Variants in ENKD1 observed in about 807,000 individuals in gnomAD.
ENKD1 encodes enkurin domain-containing protein 1.
Under a neutral mutation model 35.8 loss-of-function variants are expected in ENKD1, and 39 were observed. That is an observed-to-expected ratio of 1.09 (90% CI 0.84 to 1.42). The LOEUF is 1.42. ENKD1 is among the 40% of genes most tolerant of loss of function. ENKD1 has a pLI of 0.00. For synonymous variants in ENKD1, 205 were observed against 198.6 expected (o/e 1.03, Z -0.27); for missense variants, 474 against 471.3 (o/e 1.01, Z -0.05).
chr16:67,663,014 G>T lies in ENKD1; in HGVS notation c.*147C>A. ...TAGGGTGGCCCTTCTGCAGCCACTG[G>T]TGACTGGGAAGAGTGCTCTAGGGAC... On this transcript the variant is annotated 3_prime_UTR_variant, in exon 7 of 7. Coordinates refer to ENST00000243878, the MANE Select transcript of ENKD1 (RefSeq NM_032140.3). 1.1e-6 allele frequency: 1 copy of T among 918,738 alleles called. No homozygotes were observed. Among genetic ancestry groups the T allele is most frequent in the African/African-American group, 1.7e-5 (1 of 59,796 alleles). The allele number at this position is 918,738 out of a possible 1,614,324, so 56.9% of individuals were successfully genotyped here.
chr16:67,665,217 T>TC (rs993826526), intron 2 of ENKD1, 49 bp from the exon 3 acceptor site: 1 of 1,558,198 alleles, frequency 6.4e-7, no homozygotes, highest in African/African-American at 1.4e-5. Context: ...GCCCACACAG[T>TC]CCAACTTCCA....
Position 67,663,485 on chromosome 16 carries a change from A to G in ENKD1, c.815T>C (p.Met272Thr), listed in dbSNP as rs1326952119. 4 of 1,612,958 alleles carry G rather than the reference A, an allele frequency of 2.5e-6. No individual in the cohort carries two copies. In the Admixed American group the frequency reaches 5.0e-5, roughly 20 times the overall value. ...AGGCATGCGCGTGTGGCCTGGGGGCATGGCAGGGTCCGGCTGGCTCTGCTT... is the reference window on the plus strand; with the variant it reads ...AGGCATGCGCGTGTGGCCTGGGGGCGTGGCAGGGTCCGGCTGGCTCTGCTT... ...ARKQSQPDPA[M>T]PPGHTRMPEN... is the part of the protein sequence containing the mutation. Residue 272 changes from methionine to threonine, a missense_variant, in exon 6 of 7, where the codon ATG becomes ACG. Transcript: ENST00000243878.
rs1311792765 is a variant in ENKD1 at position 67,666,507 on chromosome 16, C to T, written c.-65G>A. ...AGGGCTGTTTACCTCCCTCCCCGGG[C>T]CCCCTTCCCCAACCCCGGGCCCCCT... On this transcript the variant is annotated 5_prime_UTR_variant, in exon 1 of 7. Coordinates refer to ENST00000243878, the MANE Select transcript of ENKD1 (RefSeq NM_032140.3). 2.2e-6 allele frequency: 3 copies of T among 1,346,174 alleles called. No individual in the cohort carries two copies. Among genetic ancestry groups the T allele is most frequent in the South Asian group, 3.2e-5 (2 of 62,348 alleles). 83.4% of individuals were successfully genotyped at this position (1,346,174 alleles called of 1,614,324 possible). A position where few individuals can be genotyped will look rare whatever the true frequency, so the allele number is the denominator to read the frequency against.
chr16:67,666,611 T>C lies in ENKD1; in HGVS notation c.-169A>G, dbSNP rs1479375111. On this transcript the variant is annotated 5_prime_UTR_variant, in exon 1 of 7. Coordinates refer to ENST00000243878, the MANE Select transcript of ENKD1 (RefSeq NM_032140.3). Reference sequence around the variant, plus strand: ...GTCCCCGCCTGGGCCCCGGCCTCGCTCGCCACCTCCGCGACCTCTGCTCCC... The same window carrying C: ...GTCCCCGCCTGGGCCCCGGCCTCGCCCGCCACCTCCGCGACCTCTGCTCCC... 6.8e-6 allele frequency: 4 copies of C among 592,158 alleles called. No homozygotes were observed. The highest frequency in any genetic ancestry group is 1.1e-5 in the Non-Finnish European group (4 of 366,378). The allele number at this position is 592,158 out of a possible 1,614,324, so 36.7% of individuals were successfully genotyped here.
At chr16:67,664,433 A>C in intron 3 of ENKD1, 3 of 359,730 alleles carry the variant, frequency 8.3e-6, no homozygotes, top group Non-Finnish European at 1.6e-5. Context: ...CCTAGGTCTC[A>C]CTCCTGAGAT....
Position 67,666,152 on chromosome 16 carries a change from G to C in ENKD1, c.199C>G (p.Leu67Val). 2 of 1,612,774 alleles carry C rather than the reference G, an allele frequency of 1.2e-6. No individual in the cohort carries two copies. Among genetic ancestry groups the C allele is most frequent in the Non-Finnish European group, 1.7e-6 (2 of 1,179,964 alleles). The change falls in exon 2 of 7, where the codon CTG (leucine) becomes GTG (valine). Residue 67 changes from leucine (L) to valine (V), a missense_variant. Coordinates refer to ENST00000243878, the MANE Select transcript of ENKD1 (RefSeq NM_032140.3). ...CCGACGCCGCGCTGGCCGCGCTCCA[G>C]GATCTCTCCGGCACCGGGACCGATG... ...PCIGPGAGEILERGQRGVGDV... is the reference protein window; with the variant it reads ...PCIGPGAGEIVERGQRGVGDV...
rs565406120 is a variant in ENKD1, at chr16:67,665,299, C to T, written c.281-131G>A. 11 of 835,336 alleles carry T rather than the reference C, an allele frequency of 1.3e-5. No individual in the cohort carries two copies. In the African/African-American group the frequency reaches 1.7e-4, roughly 13 times the overall value. The allele number at this position is 835,336 out of a possible 1,614,324, so 51.7% of individuals were successfully genotyped here. On this transcript the variant is annotated intron_variant, in intron 2 of 6. Coordinates refer to ENST00000243878, the MANE Select transcript of ENKD1 (RefSeq NM_032140.3). ...CCTGACCTCTCCAACTACCTTAGAC[C>T]CTACACACACTCTCCCTCATCACCG...
chr16:67,666,037 CCT>C (rs1342563727), intron 2 of ENKD1, 32 bp downstream of exon 2: 3 of 1,598,734 alleles, frequency 1.9e-6, no homozygotes, highest in Admixed American at 1.7e-5. Flanking sequence ...CCCCGCACTG[CCT>C]CTCTGTCCCT....
Position 67,666,181 on chromosome 16 carries a change from G to T in ENKD1, c.170C>A (p.Pro57His), listed in dbSNP as rs766712740. 2 of 1,612,066 alleles carry T rather than the reference G, an allele frequency of 1.2e-6. No individual in the cohort carries two copies. Among genetic ancestry groups the T allele is most frequent in the Admixed American group, 3.3e-5 (2 of 59,926 alleles). The change falls in exon 2 of 7, where the codon CCC becomes CAC. Residue 57 changes from proline (P) to histidine (H), a missense_variant. By Grantham distance (77) the Pro-to-His change is moderately conservative (BLOSUM62 -2). Coordinates refer to ENST00000243878, the MANE Select transcript of ENKD1 (RefSeq NM_032140.3). ...RALDTTAPRG[P>H]CIGPGAGEIL... ...CTCTCCGGCACCGGGACCGATGCAG[G>T]GGCCACGGGGAGCGGTGGTGTCCAG...
intron 3 of ENKD1, 44 bp from the exon 4 acceptor site, chr16:67,664,106 T>TG (rs1567646978): frequency 2.0e-6 from 3 of 1,530,148 alleles, no homozygotes; most frequent in Non-Finnish European, 2.7e-6. Context: ...GGCTGAGGTC[T>TG]GGGGCTCAAG....
chr16:67,664,949 G>T, intron 3 of ENKD1, 47 bp downstream of exon 3: 1 of 1,552,766 alleles, frequency 6.4e-7, no homozygotes, highest in Non-Finnish European at 8.7e-7. Flanking sequence ...ACAGTTGCCT[G>T]TTGGCCAACA....
chr16:67,665,218 C>A (rs757888994), intron 2 of ENKD1, 50 bp from the exon 3 acceptor site: 31 of 1,557,672 alleles, frequency 2.0e-5, no homozygotes, highest in Non-Finnish European at 2.6e-5. Context: ...CCCACACAGT[C>A]CAACTTCCAC....
rs1466407392 is a variant in ENKD1 at position 67,666,245 on chromosome 16, T to TGACAAG, written c.105_106insCTTGTC (p.Gly35_Asn36insLeuVal). On this transcript the variant is annotated inframe_insertion, in exon 2 of 7. Transcript: ENST00000243878. The stretch of plus-strand genomic sequence containing the variant: ...GTCAGCAAGTCCAGCTTCAGCGCGT[T>TGACAAG]TCCCTCGAGGCGCCCTTGAGCTGTG... 1 of 1,605,370 alleles carries TGACAAG rather than the reference T, an allele frequency of 6.2e-7. No individual in the cohort carries two copies. Among genetic ancestry groups the TGACAAG allele is most frequent in the Non-Finnish European group, 8.5e-7 (1 of 1,175,536 alleles).
chr16:67,663,118 G>A lies in ENKD1; in HGVS notation c.*43C>T, dbSNP rs369005864. 39 of 1,609,746 alleles carry A rather than the reference G, an allele frequency of 2.4e-5. No homozygotes were observed. The highest frequency in any genetic ancestry group is 8.9e-5 in the East Asian group (4 of 44,852). The stretch of plus-strand genomic sequence containing the variant: ...ACCCTGTCCTTTGCAGCCATGTGGC[G>A]ATCCTCAGCATGGAGCTCCTTGCCA... On this transcript the variant is annotated 3_prime_UTR_variant, in exon 7 of 7. Transcript: ENST00000243878.
At position 67,665,090 on chromosome 16, in the gene ENKD1, C is replaced by T. The variant is rs553050961; in HGVS notation, c.359G>A (p.Arg120His). 7 of 1,613,932 alleles carry T rather than the reference C, an allele frequency of 4.3e-6. No individual in the cohort carries two copies. Among genetic ancestry groups the T allele is most frequent in the African/African-American group, 2.7e-5 (2 of 75,038 alleles). The change falls in exon 3 of 7, where the codon CGC becomes CAC. Residue 120 changes from arginine (R) to histidine (H), a missense_variant. Physicochemically the swap from Arg to His is conservative, Grantham distance 29. Transcript: ENST00000243878. ...EIQKRFREQE[R>H]SREQGQPRPL... ...CCTGGGCTGGCCCTGCTCCCGGCTGCGCTCCTGTTCTCTGAAGCGCTTCTG... is the reference window on the plus strand; with the variant it reads ...CCTGGGCTGGCCCTGCTCCCGGCTGTGCTCCTGTTCTCTGAAGCGCTTCTG...
intron 2 of ENKD1, among the ~76,000 whole-genome samples, 200 bp downstream of exon 2, chr16:67,665,871 G>C (rs2053093836): frequency 6.6e-6 from 1 of 152,232 alleles, no homozygotes; most frequent in Non-Finnish European, 1.5e-5. Context: ...ATAAAGCAGA[G>C]CTAGGGCTTC....
Position 67,665,029 on chromosome 16 carries a change from G to A in ENKD1, c.420C>T (p.Asp140=), listed in dbSNP as rs2053081980. The change falls in exon 3 of 7, where the codon GAC becomes GAT. Residue 140 remains aspartate (D), a synonymous_variant. Transcript: ENST00000243878. ...LKALWRSPKY[D]KVESRVKAQL... is the part of the protein sequence containing the mutation. Reference sequence around the variant, plus strand: ...GGGCCTTGACCCGGGACTCCACCTTGTCGTACTTGGGTGAGCGCCACAGAG... The same window carrying A: ...GGGCCTTGACCCGGGACTCCACCTTATCGTACTTGGGTGAGCGCCACAGAG... 5 of 1,611,410 alleles carry A rather than the reference G, an allele frequency of 3.1e-6. No individual in the cohort carries two copies. Among genetic ancestry groups the A allele is most frequent in the Non-Finnish European group, 3.4e-6 (4 of 1,178,960 alleles).
Position 67,665,148 on chromosome 16 carries a change from C to T in ENKD1, c.301G>A (p.Glu101Lys). The stretch of plus-strand genomic sequence containing the variant: ...CTGATCCGCCTCAGGTTCTCCTTCT[C>T]ATGGTCCTTAGGGTCCTTCCCTGGA... ...SLKRKDPKDH[E>K]KENLRRIREI... The change falls in exon 3 of 7, where the codon GAG becomes AAG. Residue 101 changes from glutamate (E) to lysine (K), a missense_variant. Coordinates refer to ENST00000243878, the MANE Select transcript of ENKD1 (RefSeq NM_032140.3). 6.2e-7 allele frequency: 1 copy of T among 1,613,760 alleles called. No individual in the cohort carries two copies. The highest frequency in any genetic ancestry group is 2.2e-5 in the East Asian group (1 of 44,882).
chr16:67,666,229 T>G lies in ENKD1; in HGVS notation c.122A>C (p.Asp41Ala). The G allele has an allele frequency of 1.9e-6, 3 of 1,607,652 alleles. No homozygotes were observed. Among genetic ancestry groups the G allele is most frequent in the Non-Finnish European group, 1.7e-6 (2 of 1,176,718 alleles). ...CAGGGCCCGGTCGGAAGTCAGCAAG[T>G]CCAGCTTCAGCGCGTTTCCCTCGAG... ...GRLEGNALKL[D>A]LLTSDRALDT... The change falls in exon 2 of 7, where the codon GAC becomes GCC. Residue 41 changes from aspartate (D) to alanine (A), a missense_variant. Asp to Ala is a moderately radical substitution (Grantham distance 126, BLOSUM62 -2). Coordinates refer to ENST00000243878, the MANE Select transcript of ENKD1 (RefSeq NM_032140.3).
Sources: allele counts gnomAD v4.1 joint callset (sites outside exome capture counted in the v4.1 genomes callset), GRCh38; gene constraint gnomAD v4.1.1; transcripts MANE v1.5; gene names NCBI Gene and HGNC (gene_info 2026-07-23, HGNC 2026-07-21).